Variants in NEMF observed in about 807,000 individuals in gnomAD.
NEMF encodes the protein ribosome quality control complex subunit NEMF.
A neutral mutation model predicts 162.2 loss-of-function variants in NEMF; 89 were observed. The observed-to-expected ratio is 0.55, with a 90% CI of 0.46 to 0.65. The LOEUF (loss-of-function observed/expected upper bound fraction) is 0.65, where lower values mean the gene tolerates loss of function less well. Ranked by LOEUF, NEMF falls within the 30% of genes least tolerant of loss-of-function variation. NEMF has a pLI of 0.00. For missense variants in NEMF, 1,133 were observed against 1,261.9 expected (o/e 0.90, Z 1.55); for synonymous variants, 421 against 404.5 (o/e 1.04, Z -0.49).
intron 3 of NEMF, among the ~76,000 whole-genome samples, chr14:49,850,979 G>A (rs746206183): frequency 5.3e-4 from 81 of 152,160 alleles, no homozygotes; most frequent in Non-Finnish European, 1.0e-3. Flanking sequence ...TGAGGCTGGC[G>A]GATCACCTGA....
chr14:49,797,561 G>C (rs1370627531), intron 25 of NEMF: 1 of 152,118 alleles, frequency 6.6e-6, no homozygotes, highest in African/African-American at 2.4e-5. Context: ...CATGAATCTG[G>C]GAGGCAGAGC....
intron 26 of NEMF, among the ~76,000 whole-genome samples, chr14:49,792,203 C>T (rs942900903): frequency 5.9e-5 from 9 of 152,032 alleles, no homozygotes; most frequent in Non-Finnish European, 1.3e-4. Flanking sequence ...TAAGCAAATG[C>T]TATCCAATTT....
intron 4 of NEMF, among the ~76,000 whole-genome samples, chr14:49,844,361 G>T (rs1893365040): frequency 6.6e-6 from 1 of 152,208 alleles, no homozygotes; most frequent in African/African-American, 2.4e-5. Flanking sequence ...AGGAGGCAGA[G>T]CTCAGGTGAG....
chr14:49,809,281 T>C (rs1891358157), intron 18 of NEMF, among the ~76,000 whole-genome samples: 2 of 152,108 alleles, frequency 1.3e-5, no homozygotes, highest in African/African-American at 4.8e-5. Context: ...CCAAATTCAG[T>C]AGATTAATGG....
chr14:49,823,539 A>C (rs1166855549), intron 16 of NEMF, among the ~76,000 whole-genome samples: 1 of 152,134 alleles, frequency 6.6e-6, no homozygotes. Context: ...AAAGCTGAGG[A>C]AACTCCCAGG....
At chr14:49,832,356 C>A in intron 8 of NEMF, 79 bp from the exon 9 acceptor site, 4 of 963,674 alleles carry the variant, frequency 4.2e-6, no homozygotes, top group Non-Finnish European at 6.2e-6. Context: ...TTGATACAGT[C>A]GCGCTCGCTC....
At chr14:49,841,735 A>C (rs1213852826) in intron 4 of NEMF, among the ~76,000 whole-genome samples, 1 of 152,178 alleles carries the variant, frequency 6.6e-6, no homozygotes, top group Non-Finnish European at 1.5e-5. Flanking sequence ...TTTGCCCACA[A>C]ATTTCCACAT....
In NEMF at chr14:49,782,562, A is replaced by T. The variant is rs879431048; in HGVS notation, c.*2074T>A. 1.4e-5 allele frequency: 23 copies of T among 1,607,054 alleles called. No individual in the cohort carries two copies. Among genetic ancestry groups the T allele is most frequent in the Non-Finnish European group, 1.8e-5 (21 of 1,175,536 alleles). ...TTCAGGCACACAGTAATGAAATACT[A>T]ATATTTTCAGTTCAACCAAAATCTC... On this transcript the variant is annotated 3_prime_UTR_variant, in exon 33 of 33. Coordinates refer to ENST00000298310, the MANE Select transcript of NEMF (RefSeq NM_004713.6).
Position 49,806,121 on chromosome 14 carries a change from G to A in NEMF, c.1757C>T (p.Pro586Leu), listed in dbSNP as rs374912149. ...VIKNPTGEPI[P>L]PRTLTEAGTM... ...GCCAGCTTCAGTCAAGGTCCGTGGG[G>A]GGATGGGTTCTCCTAGAATAACAAT... The change falls in exon 19 of 33, where the codon CCC becomes CTC. Residue 586 changes from proline (P) to leucine (L), a missense_variant. Physicochemically the swap from Pro to Leu is moderately conservative, Grantham distance 98 (BLOSUM62 -3). Coordinates refer to ENST00000298310, the MANE Select transcript of NEMF (RefSeq NM_004713.6). The A allele has an allele frequency of 2.0e-5, 32 of 1,610,658 alleles. No homozygotes were observed. Among genetic ancestry groups the A allele is most frequent in the Middle Eastern group, 1.6e-4 (1 of 6,062 alleles).
intron 32 of NEMF, 82 bp from the exon 33 acceptor site, chr14:49,784,795 C>A: frequency 6.9e-7 from 1 of 1,451,490 alleles, no homozygotes; most frequent in South Asian, 1.2e-5. Flanking sequence ...AAAAACATTT[C>A]CAAACTTTTA....
chr14:49,784,739 C>T, intron 32 of NEMF, 26 bp from the exon 33 acceptor site: 1 of 1,572,882 alleles, frequency 6.4e-7, no homozygotes, highest in South Asian at 1.1e-5. Flanking sequence ...TGCTGAATAT[C>T]TTCACATCCT....
chr14:49,782,321 C>A lies in NEMF; in HGVS notation c.*2315G>T. 2.4e-6 allele frequency: 3 copies of A among 1,270,016 alleles called. No individual in the cohort carries two copies. The highest frequency in any genetic ancestry group is 2.5e-5 in the South Asian group (2 of 78,468). 78.7% of individuals were successfully genotyped at this position (1,270,016 alleles called of 1,614,324 possible). On this transcript the variant is annotated 3_prime_UTR_variant, in exon 33 of 33. Transcript: ENST00000298310. ...AGCTCTATTCTGTAGTATAAAATGG[C>A]CAACTGGTGTTCTGGGTGGCTTCAA...
At position 49,785,188 on chromosome 14, in the gene NEMF, AAAAGCCATTCTGTC is replaced by A. The variant is rs1890110339; in HGVS notation, c.3029+18_3029+31del. 2 of 1,605,864 alleles carry A rather than the reference AAAAGCCATTCTGTC, an allele frequency of 1.2e-6. No homozygotes were observed. The highest frequency in any genetic ancestry group is 3.3e-5 in the Admixed American group (2 of 59,986). ...AAATAGACGTTACAAAACAATTCAC[AAAAGCCATTCTGTC>A]AACTAATGGTAACTTACTTGTAGTT... On this transcript the variant is annotated intron_variant, in intron 30 of 32. Coordinates refer to ENST00000298310, the MANE Select transcript of NEMF (RefSeq NM_004713.6).
Position 49,795,822 on chromosome 14 carries a change from G to T in NEMF, c.2588C>A (p.Ala863Glu). The T allele has an allele frequency of 6.2e-7, 1 of 1,612,490 alleles. No homozygotes were observed. The highest frequency in any genetic ancestry group is 8.5e-7 in the Non-Finnish European group (1 of 1,179,560). ...ETHQNTSKNV[A>E]AVQPMKRGQK... ...TCCTCGTTTCATTGGCTGCACAGCC[G>T]CAACATTTTTGCTTGTGTTCTGATG... Residue 863 changes from alanine to glutamate, a missense_variant, in exon 26 of 33, where the codon GCG becomes GAG. Around this residue, in one of 3 missense-constraint regions of NEMF, gnomAD observed 532 missense variants for 578.6 expected, o/e 0.92. Coordinates refer to ENST00000298310, the MANE Select transcript of NEMF (RefSeq NM_004713.6).
intron 2 of NEMF, 27 bp from the exon 3 acceptor site, chr14:49,851,692 C>A (rs1297828956): frequency 6.3e-7 from 1 of 1,590,794 alleles, no homozygotes; most frequent in East Asian, 2.2e-5. Flanking sequence ...TCGAATTTTT[C>A]TTTAGGGTAT....
chr14:49,850,563 G>C (rs1893722212), intron 3 of NEMF, among the ~76,000 whole-genome samples: 1 of 152,140 alleles, frequency 6.6e-6, no homozygotes, highest in African/African-American at 2.4e-5. Flanking sequence ...TGACTCGAAA[G>C]TCTCGTGTAC....
At chr14:49,788,032 A>G (rs1351503410) in intron 28 of NEMF, among the ~76,000 whole-genome samples, 4 of 152,114 alleles carry the variant, frequency 2.6e-5, no homozygotes, top group Non-Finnish European at 1.5e-5. Context: ...TAATCCCAAC[A>G]CTTTGGGAGG....
At chr14:49,828,506 C>CA (rs1566689955) in intron 14 of NEMF, 110 bp downstream of exon 14, 1 of 1,030,926 alleles carries the variant, frequency 9.7e-7, no homozygotes, top group Non-Finnish European at 1.4e-6. Context: ...TATTTTCACC[C>CA]AAAAAAAGTA....
chr14:49,852,591 C>G, intron 1 of NEMF, 104 bp downstream of exon 1: 2 of 1,292,324 alleles, frequency 1.5e-6, no homozygotes, highest in Non-Finnish European at 1.1e-6. Flanking sequence ...CATAGACGCA[C>G]TAGGAAATAA....
Sources: gnomAD v4.1 joint callset for allele counts (sites outside exome capture counted in the v4.1 genomes callset) on GRCh38, gnomAD v4.1.1 for gene constraint, gnomAD v4.1.1 regional missense constraint, MANE v1.5 for transcripts, NCBI Gene and HGNC (gene_info 2026-07-23, HGNC 2026-07-21) for gene names.